Variants in AP3B1 observed in about 807,000 individuals in gnomAD.
AP3B1 encodes the protein AP-3 complex subunit beta-1.
AP3B1 carries 61 observed loss-of-function variants against 132.5 expected under a neutral mutation model. The ratio of observed to expected loss-of-function variants is 0.46; its 90% confidence interval spans 0.37 to 0.57. The LOEUF (loss-of-function observed/expected upper bound fraction) is 0.57, where lower values mean the gene tolerates loss of function less well. Ranked by LOEUF, AP3B1 falls within the 20% of genes least tolerant of loss-of-function variation. AP3B1 has a pLI of 0.00. For missense variants in AP3B1, 1,120 were observed against 1,289.4 expected, an observed-to-expected ratio of 0.87 and a Z score of 2.01; for synonymous variants, 388 against 438.3, an observed-to-expected ratio of 0.89 and a Z score of 1.43.
chr5:78,075,096 A>G (rs138606028), intron 22 of AP3B1, among the ~76,000 whole-genome samples: 1,726 of 152,332 alleles, frequency 0.011, 20 homozygotes, highest in Non-Finnish European at 0.016. Context: ...CAACTTGAAA[A>G]AAGTCTAGCA....
intron 14 of AP3B1, among the ~76,000 whole-genome samples, chr5:78,144,788 G>A (rs534522638): frequency 6.6e-6 from 1 of 152,272 alleles, no homozygotes; most frequent in African/African-American, 2.4e-5. Context: ...TAAACATTAT[G>A]TGAAATCCTG....
chr5:78,073,071 G>A (rs534238607), intron 22 of AP3B1, among the ~76,000 whole-genome samples: 3 of 151,972 alleles, frequency 2.0e-5, no homozygotes. Flanking sequence ...TTGATATTAG[G>A]GTTATATACT....
chr5:78,166,168 C>T (rs1743621235), intron 11 of AP3B1, among the ~76,000 whole-genome samples: 5 of 95,716 alleles, frequency 5.2e-5, no homozygotes, highest in Admixed American at 3.3e-4. Context: ...CACACACACA[C>T]ACACAAATCA....
At position 78,002,793 on chromosome 5, in the gene AP3B1, C is replaced by A; in HGVS notation, c.*109G>T. 8.1e-7 allele frequency: 1 copy of A among 1,233,664 alleles called. No homozygotes were observed. The highest frequency in any genetic ancestry group is 1.2e-5 in the South Asian group (1 of 83,380). The allele number at this position is 1,233,664 out of a possible 1,614,324, so 76.4% of individuals were successfully genotyped here. A position where few individuals can be genotyped will look rare whatever the true frequency, so the allele number is the denominator to read the frequency against. ...GAGACAAGAATGTCAAGAGTGTATT[C>A]TACCCCCACTGCCAGATGGAAGGGC... is the stretch of plus-strand genomic sequence containing the variant. On this transcript the variant is annotated 3_prime_UTR_variant, in exon 27 of 27. Transcript: ENST00000255194.
chr5:78,026,370 C>T (rs981563669), intron 24 of AP3B1, among the ~76,000 whole-genome samples: 2 of 152,126 alleles, frequency 1.3e-5, no homozygotes, highest in African/African-American at 4.8e-5. Flanking sequence ...TTCACGGATT[C>T]CTTTATAGGA....
chr5:78,198,145 C>A (rs185382078), intron 7 of AP3B1, among the ~76,000 whole-genome samples: 115 of 152,270 alleles, frequency 7.6e-4, no homozygotes, highest in African/African-American at 2.6e-3. Context: ...ACTGAATATA[C>A]CCACTTGCCT....
In AP3B1 at chr5:78,156,355, G is replaced by T. The variant is rs1743149467; in HGVS notation, c.1376C>A (p.Ala459Asp). 6.2e-7 allele frequency: 1 copy of T among 1,609,348 alleles called. No individual in the cohort carries two copies. Among genetic ancestry groups the T allele is most frequent in the Non-Finnish European group, 8.5e-7 (1 of 1,176,320 alleles). ...TTTCTTTATAACAACCACACTTTCA[G>T]CAACAACTATTTCTGAAAAAGATAG... ...LLSNRDEIVVAESVVVIKKLL... is the reference protein window; with the variant it reads ...LLSNRDEIVVDESVVVIKKLL... Residue 459 changes from alanine (A) to aspartate (D), a missense_variant, in exon 14 of 27, where the codon GCT becomes GAT. Transcript: ENST00000255194.
At chr5:78,183,714 C>T (rs759246275) in intron 7 of AP3B1, among the ~76,000 whole-genome samples, 5 of 150,076 alleles carry the variant, frequency 3.3e-5, no homozygotes, top group Admixed American at 1.3e-4. Flanking sequence ...ACTAAAAATA[C>T]AAAATTAGCC....
chr5:78,047,899 G>A (rs1748409849), intron 22 of AP3B1, among the ~76,000 whole-genome samples: 1 of 152,184 alleles, frequency 6.6e-6, no homozygotes, highest in Non-Finnish European at 1.5e-5. Flanking sequence ...ACTCTTCACA[G>A]TTCTTGATGC....
At chr5:78,098,208 C>A (rs911044474) in intron 21 of AP3B1, among the ~76,000 whole-genome samples, 7 of 151,778 alleles carry the variant, frequency 4.6e-5, no homozygotes, top group Non-Finnish European at 8.8e-5. Flanking sequence ...TATCTGCTGA[C>A]CTTCCCTCCA....
At chr5:78,156,673 CTA>C (rs774607242) in intron 13 of AP3B1, among the ~76,000 whole-genome samples, 1 of 152,142 alleles carries the variant, frequency 6.6e-6, no homozygotes, top group African/African-American at 2.4e-5. Context: ...CCATAGTGTT[CTA>C]TGTCTTTGGC....
At chr5:78,093,121 AC>A (rs1750601608) in intron 21 of AP3B1, among the ~76,000 whole-genome samples, 1 of 152,254 alleles carries the variant, frequency 6.6e-6, no homozygotes, top group South Asian at 2.1e-4. Flanking sequence ...TAAATTCCCA[AC>A]AACAGTAAAT....
At chr5:78,043,093 A>G (rs1748165564) in intron 22 of AP3B1, 2 of 153,198 alleles carry the variant, frequency 1.3e-5, no homozygotes, top group Admixed American at 6.6e-5. Context: ...GAACCCACCC[A>G]CATCTTCTTC....
chr5:78,264,161 A>C (rs1748220601), intron 2 of AP3B1, among the ~76,000 whole-genome samples: 1 of 152,232 alleles, frequency 6.6e-6, no homozygotes. Flanking sequence ...GCATGACTCT[A>C]AGTGATGCAT....
At chr5:78,259,803 A>G (rs1205748597) in intron 2 of AP3B1, among the ~76,000 whole-genome samples, 1 of 152,050 alleles carries the variant, frequency 6.6e-6, no homozygotes, top group Non-Finnish European at 1.5e-5. Context: ...CCCCAACTCT[A>G]CTAAAAATAC....
chr5:78,218,674 T>C (rs902433157), intron 6 of AP3B1, among the ~76,000 whole-genome samples: 3 of 152,182 alleles, frequency 2.0e-5, no homozygotes, highest in African/African-American at 7.2e-5. Context: ...TTCTATAAAA[T>C]TATGAAGGGT....
rs1746239133 is a variant in AP3B1 at position 78,002,814 on chromosome 5, A to C, written c.*88T>G. Reference sequence around the variant, plus strand: ...TATTCTACCCCCACTGCCAGATGGAAGGGCTATTATTATAAATGAAAGGCA... The same window carrying C: ...TATTCTACCCCCACTGCCAGATGGACGGGCTATTATTATAAATGAAAGGCA... On this transcript the variant is annotated 3_prime_UTR_variant, in exon 27 of 27. Coordinates refer to ENST00000255194, the MANE Select transcript of AP3B1 (RefSeq NM_003664.5). 4 of 1,446,504 alleles carry C rather than the reference A, an allele frequency of 2.8e-6. No homozygotes were observed. In the African/African-American group the frequency reaches 4.2e-5, roughly 15 times the overall value. 89.6% of individuals were successfully genotyped at this position (1,446,504 alleles called of 1,614,324 possible). A position where few individuals can be genotyped will look rare whatever the true frequency, so the allele number is the denominator to read the frequency against.
intron 7 of AP3B1, among the ~76,000 whole-genome samples, chr5:78,214,489 T>C (rs577520126): frequency 6.6e-6 from 1 of 152,122 alleles, no homozygotes; most frequent in Non-Finnish European, 1.5e-5. Flanking sequence ...TTCTATATAA[T>C]TACAAGCAAA....
chr5:78,157,835 C>T (rs1278033272), intron 13 of AP3B1, among the ~76,000 whole-genome samples: 1 of 152,048 alleles, frequency 6.6e-6, no homozygotes, highest in African/African-American at 2.4e-5. Flanking sequence ...CTGCAACTTC[C>T]ACCTCCCAGA....
Sources: gnomAD v4.1 joint callset for allele counts (sites outside exome capture counted in the v4.1 genomes callset) on GRCh38, gnomAD v4.1.1 for gene constraint, MANE v1.5 for transcripts, NCBI Gene and HGNC (gene_info 2026-07-23, HGNC 2026-07-21) for gene names.